The following NUS1 variants were observed in gnomAD, a reference collection of about 807,000 sequenced individuals.
The protein encoded by NUS1 is NUS1 dehydrodolichyl diphosphate synthase subunit, also known as dehydrodolichyl diphosphate synthase complex subunit NUS1.
For missense variants in NUS1, 292 were observed against 382.9 expected (o/e 0.76, Z 1.98); for synonymous variants, 135 against 155.2 (o/e 0.87, Z 0.97).
In NUS1 at chr6:117,708,642, C is replaced by G. The variant is rs1773533428; in HGVS notation, c.*1627C>G. 1 of 148,100 alleles carries G rather than the reference C, an allele frequency of 6.8e-6. No individual in the cohort carries two copies. The highest frequency in any genetic ancestry group is 6.8e-5 in the Admixed American group (1 of 14,804). 9.2% of individuals were successfully genotyped at this position (148,100 alleles called of 1,614,324 possible). ...GCATAATCCATTATACGTTGTACGA[C>G]TTTTTTTTTTTGTTTTAATTTATTA... On this transcript the variant is annotated 3_prime_UTR_variant, in exon 5 of 5. Transcript: ENST00000368494.
At chr6:117,689,368 G>C (rs1264737601) in intron 1 of NUS1, among the ~76,000 whole-genome samples, 1 of 152,148 alleles carries the variant, frequency 6.6e-6, no homozygotes, top group East Asian at 1.9e-4. Context: ...TTTTTAAAAA[G>C]AGTATCAAAG....
intron 3 of NUS1, among the ~76,000 whole-genome samples, chr6:117,702,342 C>G (rs1209355638): frequency 6.6e-6 from 1 of 152,202 alleles, no homozygotes; most frequent in Non-Finnish European, 1.5e-5. Context: ...AGCAAATCAT[C>G]TAATTTTTGC....
At chr6:117,697,145 C>CA (rs1773331409) in intron 3 of NUS1, among the ~76,000 whole-genome samples, 2 of 151,578 alleles carry the variant, frequency 1.3e-5, no homozygotes, top group Non-Finnish European at 2.9e-5. Flanking sequence ...AACCTCCAAT[C>CA]AAAAAACATA....
At position 117,675,559 on chromosome 6, in the gene NUS1, G is replaced by C. The variant is rs1772956769; in HGVS notation, c.-112G>C. 8.7e-7 allele frequency: 1 copy of C among 1,146,500 alleles called. No individual in the cohort carries two copies. Among genetic ancestry groups the C allele is most frequent in the Admixed American group, 2.2e-5 (1 of 44,686 alleles). 71.0% of individuals were successfully genotyped at this position (1,146,500 alleles called of 1,614,324 possible). A position where few individuals can be genotyped will look rare whatever the true frequency, so the allele number is the denominator to read the frequency against. On this transcript the variant is annotated 5_prime_UTR_variant, in exon 1 of 5. Transcript: ENST00000368494. Reference sequence around the variant, plus strand: ...GCAGTGGAAAGGGGTTCGGGCTCGGGGGGCGGGGGGACGCGGAGCGATGGC... The same window carrying C: ...GCAGTGGAAAGGGGTTCGGGCTCGGCGGGCGGGGGGACGCGGAGCGATGGC...
intron 1 of NUS1, among the ~76,000 whole-genome samples, chr6:117,686,018 T>C (rs2114681671): frequency 6.7e-6 from 1 of 149,718 alleles, no homozygotes; most frequent in Non-Finnish European, 1.5e-5. Flanking sequence ...TCCCAGCACT[T>C]TGGGAGGCTG....
intron 3 of NUS1, among the ~76,000 whole-genome samples, chr6:117,695,807 T>A (rs999443548): frequency 1.3e-5 from 2 of 152,180 alleles, no homozygotes; most frequent in African/African-American, 4.8e-5. Context: ...AAAGGAGTCA[T>A]ACAATATATA....
At chr6:117,703,928 G>T (rs1562183119) in intron 4 of NUS1, among the ~76,000 whole-genome samples, 1 of 152,186 alleles carries the variant, frequency 6.6e-6, no homozygotes, top group Non-Finnish European at 1.5e-5. Flanking sequence ...ATTACCTTAG[G>T]AGATCAGGAG....
Position 117,707,196 on chromosome 6 carries a change from C to T in NUS1, c.*181C>T. The T allele has an allele frequency of 1.8e-6, 1 of 559,082 alleles. No homozygotes were observed. The highest frequency in any genetic ancestry group is 3.2e-6 in the Non-Finnish European group (1 of 308,712). The allele number at this position is 559,082 out of a possible 1,614,324, so 34.6% of individuals were successfully genotyped here. A position where few individuals can be genotyped will look rare whatever the true frequency, so the allele number is the denominator to read the frequency against. On this transcript the variant is annotated 3_prime_UTR_variant, in exon 5 of 5. Transcript: ENST00000368494. Reference sequence around the variant, plus strand: ...GTGTGTGTGTGTGCGTGTGCACGTGCACACATGTGCACGTTTGTATGTATG... The same window carrying T: ...GTGTGTGTGTGTGCGTGTGCACGTGTACACATGTGCACGTTTGTATGTATG...
At chr6:117,706,461 C>T (rs188505306) in intron 4 of NUS1, among the ~76,000 whole-genome samples, 2 of 152,138 alleles carry the variant, frequency 1.3e-5, no homozygotes, top group East Asian at 3.9e-4. Context: ...TCTGAGCTTA[C>T]GCTTTAACAA....
intron 1 of NUS1, among the ~76,000 whole-genome samples, chr6:117,679,098 A>T (rs983120122): frequency 6.6e-6 from 1 of 152,248 alleles, no homozygotes; most frequent in Non-Finnish European, 1.5e-5. Flanking sequence ...AGTACAAGAA[A>T]TGGTGTCTCT....
chr6:117,702,808 A>G (rs557894065), intron 3 of NUS1, among the ~76,000 whole-genome samples: 4 of 152,196 alleles, frequency 2.6e-5, no homozygotes, highest in Non-Finnish European at 5.9e-5. Flanking sequence ...GGAATTTAGC[A>G]CTGGAGAGGT....
At position 117,707,955 on chromosome 6, in the gene NUS1, G is replaced by A. The variant is rs578232105; in HGVS notation, c.*940G>A. On this transcript the variant is annotated 3_prime_UTR_variant, in exon 5 of 5. Coordinates refer to ENST00000368494, the MANE Select transcript of NUS1 (RefSeq NM_138459.5). ...GGCAGTATGCCATATTATACCCAAAGTTCTTTTAAAAAATATTTCCATCAA... is the reference window on the plus strand; with the variant it reads ...GGCAGTATGCCATATTATACCCAAAATTCTTTTAAAAAATATTTCCATCAA... The A allele has an allele frequency of 2.0e-5, 3 of 152,216 alleles. No individual in the cohort carries two copies. Among genetic ancestry groups the A allele is most frequent in the Non-Finnish European group, 4.4e-5 (3 of 67,998 alleles). 9.4% of individuals were successfully genotyped at this position (152,216 alleles called of 1,614,324 possible).
rs1026782946 is a variant in NUS1, at chr6:117,675,558, G to A, written c.-113G>A. On this transcript the variant is annotated 5_prime_UTR_variant, in exon 1 of 5. Coordinates refer to ENST00000368494, the MANE Select transcript of NUS1 (RefSeq NM_138459.5). ...GGCAGTGGAAAGGGGTTCGGGCTCGGGGGGCGGGGGGACGCGGAGCGATGG... is the reference window on the plus strand; with the variant it reads ...GGCAGTGGAAAGGGGTTCGGGCTCGAGGGGCGGGGGGACGCGGAGCGATGG... The A allele has an allele frequency of 2.6e-6, 3 of 1,143,236 alleles. No individual in the cohort carries two copies. The highest frequency in any genetic ancestry group is 3.7e-6 in the Non-Finnish European group (3 of 811,714). 70.8% of individuals were successfully genotyped at this position (1,143,236 alleles called of 1,614,324 possible).
chr6:117,686,140 A>G (rs946769903), intron 1 of NUS1, among the ~76,000 whole-genome samples: 1 of 150,232 alleles, frequency 6.7e-6, no homozygotes, highest in African/African-American at 2.5e-5. Context: ...GGGCGCCTAT[A>G]GTCCCAGCTA....
chr6:117,679,932 G>A (rs1447731534), intron 1 of NUS1, among the ~76,000 whole-genome samples: 1 of 152,138 alleles, frequency 6.6e-6, no homozygotes, highest in Non-Finnish European at 1.5e-5. Context: ...GAAGGGAGAT[G>A]GACGGGCAGC....
At chr6:117,706,014 G>A (rs1167699082) in intron 4 of NUS1, among the ~76,000 whole-genome samples, 6 of 152,068 alleles carry the variant, frequency 3.9e-5, no homozygotes, top group Non-Finnish European at 8.8e-5. Context: ...CTTTTTTTGT[G>A]GTGCATGTGA....
rs1773534339 is a variant in NUS1 at position 117,708,669 on chromosome 6, TGA to T, written c.*1658_*1659del. The T allele has an allele frequency of 1.3e-5, 2 of 152,432 alleles. No individual in the cohort carries two copies. Among genetic ancestry groups the T allele is most frequent in the South Asian group, 4.1e-4 (2 of 4,830 alleles). 9.4% of individuals were successfully genotyped at this position (152,432 alleles called of 1,614,324 possible). A position where few individuals can be genotyped will look rare whatever the true frequency, so the allele number is the denominator to read the frequency against. ...TTTTTTTTTTGTTTTAATTTATTAC[TGA>T]GAGTTTTGTGTGAAGCTACAGCATA... is the stretch of plus-strand genomic sequence containing the variant. On this transcript the variant is annotated 3_prime_UTR_variant, in exon 5 of 5. Transcript: ENST00000368494.
intron 1 of NUS1, among the ~76,000 whole-genome samples, chr6:117,676,409 T>C (rs904496662): frequency 2.0e-5 from 3 of 152,100 alleles, no homozygotes; most frequent in African/African-American, 7.2e-5. Context: ...AGAAACCCCG[T>C]TTCTACTAAA....
chr6:117,701,568 T>A (rs994177805), intron 3 of NUS1, among the ~76,000 whole-genome samples: 1 of 152,174 alleles, frequency 6.6e-6, no homozygotes, highest in Non-Finnish European at 1.5e-5. Context: ...TTAAATAATA[T>A]TTTGCAGTTT....
Sources: allele counts gnomAD v4.1 joint callset (sites outside exome capture counted in the v4.1 genomes callset), GRCh38; gene constraint gnomAD v4.1.1; transcripts MANE v1.5; gene names NCBI Gene and HGNC (gene_info 2026-07-23, HGNC 2026-07-21).